FKBP5: variants seen among roughly 807,000 people sequenced by gnomAD.
FKBP5 encodes peptidyl-prolyl cis-trans isomerase FKBP5.
Under a neutral mutation model 50.5 loss-of-function variants are expected in FKBP5, and 23 were observed. The observed-to-expected ratio is 0.46, with a 90% confidence interval of 0.33 to 0.65. The LOEUF is 0.65. FKBP5 is among the 30% of genes least tolerant of loss of function. FKBP5 has a pLI of 0.02. For synonymous variants in FKBP5, 176 were observed against 190.6 expected (o/e 0.92, Z 0.63); for missense variants, 411 against 553.1 (o/e 0.74, Z 2.58).
At chr6:35,600,345 G>A (rs938652632) in intron 5 of FKBP5, among the ~76,000 whole-genome samples, 1 of 151,934 alleles carries the variant, frequency 6.6e-6, no homozygotes, top group Non-Finnish European at 1.5e-5. Context: ...TTGAACCTAG[G>A]AGTTCCAGGC....
Position 35,620,179 on chromosome 6 carries a change from C to A in FKBP5, c.346G>T (p.Ala116Ser). ...LCKPEYAYGS[A>S]GSLPKIPSNA... ...GAGGGAATTTTAGGGAGACTGCCAG[C>A]CGAGCCATATGCATATTCTGGTTTG... The change falls in exon 4 of 11, where the codon GCT becomes TCT. Residue 116 changes from alanine (A) to serine (S), a missense_variant. Ala to Ser is a moderately conservative substitution (Grantham distance 99). Around this residue, in one of 3 missense-constraint regions of FKBP5, gnomAD observed 267 missense variants for 405.9 expected, o/e 0.66. Transcript: ENST00000357266. 1 of 1,614,124 alleles carries A rather than the reference C, an allele frequency of 6.2e-7. No individual in the cohort carries two copies. Among genetic ancestry groups the A allele is most frequent in the East Asian group, 2.2e-5 (1 of 44,882 alleles).
intron 8 of FKBP5, chr6:35,586,472 C>G (rs1762601665): frequency 1.0e-6 from 1 of 987,890 alleles, no homozygotes; most frequent in Non-Finnish European, 1.2e-6. Context: ...TCAAGACAGT[C>G]TAAAGGAAGA....
chr6:35,588,480 A>T (rs1174629303), intron 7 of FKBP5, among the ~76,000 whole-genome samples: 1 of 152,230 alleles, frequency 6.6e-6, no homozygotes, highest in Non-Finnish European at 1.5e-5. Context: ...ACACCTAGTT[A>T]ATAAGTCTCT....
intron 1 of FKBP5, among the ~76,000 whole-genome samples, chr6:35,663,201 G>C (rs974202679): frequency 6.6e-6 from 1 of 152,068 alleles, no homozygotes; most frequent in Non-Finnish European, 1.5e-5. Flanking sequence ...TGAGGGGGAG[G>C]GCTTCTCACA....
At chr6:35,699,327 A>G (rs1264731672) in intron 2 of FKBP5, among the ~76,000 whole-genome samples, 1 of 152,214 alleles carries the variant, frequency 6.6e-6, no homozygotes, top group Non-Finnish European at 1.5e-5. Context: ...TAAGGTTTAC[A>G]TCTGTAACTG....
At chr6:35,581,109 G>T in intron 8 of FKBP5, 1 of 965,142 alleles carries the variant, frequency 1.0e-6, no homozygotes, top group Non-Finnish European at 1.2e-6. Flanking sequence ...AAACAGGCAG[G>T]GACCAGATTT....
At chr6:35,703,726 A>C (rs929072024) in intron 2 of FKBP5, among the ~76,000 whole-genome samples, 4 of 152,170 alleles carry the variant, frequency 2.6e-5, no homozygotes, top group Admixed American at 6.6e-5. Context: ...TGCAGCTAGA[A>C]CATTGACATG....
At chr6:35,581,182 T>C in intron 8 of FKBP5, 1 of 982,788 alleles carries the variant, frequency 1.0e-6, no homozygotes, top group Non-Finnish European at 1.2e-6. Context: ...AATAGTTGGA[T>C]AGTAGCATAC....
intron 5 of FKBP5, among the ~76,000 whole-genome samples, chr6:35,617,414 G>A (rs974760953): frequency 2.0e-5 from 3 of 151,810 alleles, no homozygotes; most frequent in Admixed American, 6.6e-5. Context: ...CTATAGCCTC[G>A]AACTCCTGGC....
At chr6:35,620,841 T>TATCCA (rs1763810075) in intron 3 of FKBP5, among the ~76,000 whole-genome samples, 1 of 152,216 alleles carries the variant, frequency 6.6e-6, no homozygotes, top group South Asian at 2.1e-4. Context: ...GGTGGTAACA[T>TATCCA]TATCCATGAA....
In FKBP5 at chr6:35,591,229, G is replaced by T; in HGVS notation, c.666-9C>A. 1.3e-6 allele frequency: 2 copies of T among 1,588,608 alleles called. No homozygotes were observed. Among genetic ancestry groups the T allele is most frequent in the Non-Finnish European group, 8.6e-7 (1 of 1,159,768 alleles). On this transcript the variant is annotated splice_polypyrimidine_tract_variant and intron_variant, in intron 6 of 10. Transcript: ENST00000357266. ...CCTCTCCAAAACCATATCTGAAATG[G>T]AGAGTAAAAAATAAAACTTTAAAAG...
intron 1 of FKBP5, among the ~76,000 whole-genome samples, chr6:35,684,749 T>C (rs575136347): frequency 6.6e-6 from 1 of 152,296 alleles, no homozygotes; most frequent in South Asian, 2.1e-4. Flanking sequence ...TAAGTCGGCC[T>C]GGCACTGTGG....
intron 8 of FKBP5, chr6:35,580,768 C>T (rs1762404379): frequency 2.8e-6 from 2 of 706,626 alleles, no homozygotes; most frequent in Non-Finnish European, 3.5e-6. Flanking sequence ...GTCTTGAACT[C>T]CTGACCTTGT....
At chr6:35,726,280 G>C (rs567461460) in intron 1 of FKBP5, among the ~76,000 whole-genome samples, 1 of 152,120 alleles carries the variant, frequency 6.6e-6, no homozygotes. Context: ...GGTGTAGTAC[G>C]TAGGAGTGGC....
chr6:35,688,206 G>A (rs902216704), intron 1 of FKBP5, among the ~76,000 whole-genome samples: 1 of 152,208 alleles, frequency 6.6e-6, no homozygotes, highest in South Asian at 2.1e-4. Flanking sequence ...GTCCACACCC[G>A]GAGCGCGGCC....
intron 1 of FKBP5, among the ~76,000 whole-genome samples, chr6:35,674,071 G>C (rs1042576520): frequency 6.6e-6 from 1 of 152,120 alleles, no homozygotes; most frequent in Non-Finnish European, 1.5e-5. Context: ...CTTATGGCTT[G>C]ATGATTTAGG....
At chr6:35,723,885 G>A (rs1017053825) in intron 1 of FKBP5, among the ~76,000 whole-genome samples, 3 of 152,248 alleles carry the variant, frequency 2.0e-5, no homozygotes, top group Non-Finnish European at 2.9e-5. Context: ...TCCTCTCTTA[G>A]CTCAGGAGAG....
chr6:35,658,125 C>G (rs746345087), intron 1 of FKBP5, among the ~76,000 whole-genome samples: 4 of 151,778 alleles, frequency 2.6e-5, no homozygotes, highest in Non-Finnish European at 4.4e-5. Context: ...GCCTGTAATC[C>G]CAGCACTTTG....
chr6:35,591,632 AAT>A (rs1762823890), intron 6 of FKBP5, among the ~76,000 whole-genome samples: 1 of 152,158 alleles, frequency 6.6e-6, no homozygotes, highest in African/African-American at 2.4e-5. Context: ...CAGCCACTGT[AAT>A]TGTTAGAGTG....
Sources: allele counts gnomAD v4.1 joint callset (sites outside exome capture counted in the v4.1 genomes callset), GRCh38; gene constraint gnomAD v4.1.1; regional missense constraint gnomAD v4.1.1; transcripts MANE v1.5; gene names NCBI Gene and HGNC (gene_info 2026-07-23, HGNC 2026-07-21).